Variants in TUBA1C observed in about 807,000 individuals in gnomAD.
The protein encoded by TUBA1C is tubulin alpha 1c.
A neutral mutation model predicts 34.9 loss-of-function variants in TUBA1C; 16 were observed. That is an observed-to-expected ratio of 0.46 (90% CI 0.31 to 0.70). The LOEUF is 0.70. TUBA1C is among the 30% of genes least tolerant of loss of function. TUBA1C has a pLI of 0.05. For missense variants in TUBA1C, 329 were observed against 587.3 expected (o/e 0.56, Z 4.55); for synonymous variants, 177 against 215.9 (o/e 0.82, Z 1.58).
Position 49,272,516 on chromosome 12 carries a change from T to C in TUBA1C, c.639T>C (p.Cys213=), listed in dbSNP as rs763080716. ...MVDNEAIYDI[C]RRNLDIERPT... ...ACAATGAGGCCATCTATGACATCTGTCGTAGAAACCTCGATATCGAGCGCC... is the reference window on the plus strand; with the variant it reads ...ACAATGAGGCCATCTATGACATCTGCCGTAGAAACCTCGATATCGAGCGCC... The change falls in exon 4 of 4, where the codon TGT becomes TGC. Residue 213 remains cysteine (C), a synonymous_variant. Transcript: ENST00000301072. The C allele has an allele frequency of 3.1e-6, 5 of 1,609,372 alleles. No individual in the cohort carries two copies. Among genetic ancestry groups the C allele is most frequent in the Non-Finnish European group, 3.4e-6 (4 of 1,177,890 alleles).
chr12:49,260,790 G>A (rs886108872), upstream of TUBA1C, among the ~76,000 whole-genome samples: 4 of 152,132 alleles, frequency 2.6e-5, no homozygotes, highest in African/African-American at 9.7e-5. Flanking sequence ...GAGTGCAGTT[G>A]CATGATCTTG....
chr12:49,255,776 G>A (rs928085683), intron 1 of TUBA1C, among the ~76,000 whole-genome samples: 8 of 152,190 alleles, frequency 5.3e-5, no homozygotes, highest in African/African-American at 1.9e-4. Flanking sequence ...ATGTTGGCCA[G>A]GCTGGTCTGG....
chr12:49,260,971 C>G (rs976946257), upstream of TUBA1C, among the ~76,000 whole-genome samples: 1 of 152,146 alleles, frequency 6.6e-6, no homozygotes, highest in Non-Finnish European at 1.5e-5. Context: ...TGGACTTAAG[C>G]AATCTGCCCA....
intron 1 of TUBA1C, among the ~76,000 whole-genome samples, chr12:49,247,878 G>C (rs749502257): frequency 1.5e-4 from 22 of 150,608 alleles, no homozygotes; most frequent in Non-Finnish European, 2.8e-4. Context: ...ACCGCAGGAG[G>C]CAGAAGTTGC....
rs529193640 is a variant in TUBA1C, at chr12:49,245,164, G to A, written c.213+16998G>A. 8.1e-4 allele frequency among the ~76,000 whole-genome samples: 124 copies of A among 152,254 alleles called. 1 individual carries two copies. Among genetic ancestry groups the A allele is most frequent in the African/African-American group, 2.9e-3 (122 of 41,556 alleles). On this transcript the variant is annotated intron_variant, in intron 1 of 3. Transcript: ENST00000541364. ...GGGTTTATTCACTTATTCATCACTT[G>A]TTTATTGAGGAGGGTGAAACGTCCA...
chr12:49,247,132 T>A, intron 1 of TUBA1C, among the ~76,000 whole-genome samples: 2 of 139,276 alleles, frequency 1.4e-5, no homozygotes, highest in Non-Finnish European at 1.5e-5. Flanking sequence ...AGAGCAAGAC[T>A]CCATCTCAAA....
At chr12:49,265,546 T>A (rs1216265836) in intron 1 of TUBA1C, among the ~76,000 whole-genome samples, 2 of 152,202 alleles carry the variant, frequency 1.3e-5, no homozygotes, top group Non-Finnish European at 2.9e-5. Flanking sequence ...AAGCGACCTC[T>A]CCTTCCTACT....
At chr12:49,269,046 G>T (rs1199243266) in intron 1 of TUBA1C, among the ~76,000 whole-genome samples, 1 of 152,144 alleles carries the variant, frequency 6.6e-6, no homozygotes, top group Non-Finnish European at 1.5e-5. Context: ...CTGAGCAGGA[G>T]TGGCCTGCTG....
chr12:49,231,731 G>A (rs746015355), intron 1 of TUBA1C, among the ~76,000 whole-genome samples: 8 of 152,064 alleles, frequency 5.3e-5, no homozygotes, highest in Non-Finnish European at 1.2e-4. Flanking sequence ...TAGATAGATA[G>A]ATAGATGGAG....
intron 1 of TUBA1C, among the ~76,000 whole-genome samples, chr12:49,236,272 TC>T (rs1391453173): frequency 1.3e-5 from 2 of 152,192 alleles, no homozygotes; most frequent in African/African-American, 4.8e-5. Context: ...GAGCCTGCAT[TC>T]CCCGGTATTG....
At chr12:49,244,149 CA>C (rs35040535) in intron 1 of TUBA1C, among the ~76,000 whole-genome samples, 44,189 of 97,408 alleles carry the variant, frequency 0.45, 6,882 homozygotes, top group East Asian at 0.68. Flanking sequence ...GACTCTGTCT[CA>C]AAAAAAAAAA....
chr12:49,269,713 G>A (rs1387111246), intron 2 of TUBA1C, 26 bp downstream of exon 2: 1 of 1,613,074 alleles, frequency 6.2e-7, no homozygotes, highest in African/African-American at 1.3e-5. Flanking sequence ...TAACCCAAGT[G>A]AGATCCCAGG....
chr12:49,257,506 G>T (rs1388569970), intron 1 of TUBA1C, among the ~76,000 whole-genome samples: 3 of 152,066 alleles, frequency 2.0e-5, no homozygotes, highest in African/African-American at 7.2e-5. Flanking sequence ...TGCAGGCCAG[G>T]CGAGGTGGCT....
intron 1 of TUBA1C, among the ~76,000 whole-genome samples, chr12:49,239,912 G>A (rs1341361935): frequency 6.6e-6 from 1 of 152,094 alleles, no homozygotes; most frequent in Non-Finnish European, 1.5e-5. Flanking sequence ...CAGGACGGGA[G>A]GTAGAGCAGT....
intron 1 of TUBA1C, among the ~76,000 whole-genome samples, chr12:49,231,991 C>T (rs1285411835): frequency 6.6e-6 from 1 of 152,214 alleles, no homozygotes; most frequent in African/African-American, 2.4e-5. Flanking sequence ...AACGCTAATG[C>T]TGGGCTGATT....
rs1943034329 is a variant in TUBA1C, at chr12:49,274,347, C to G, written c.*1120C>G. 1 of 119,634 alleles carries G rather than the reference C, an allele frequency of 8.4e-6. No individual in the cohort carries two copies. The highest frequency in any genetic ancestry group is 1.6e-5 in the Non-Finnish European group (1 of 63,110). 7.4% of individuals were successfully genotyped at this position (119,634 alleles called of 1,614,324 possible). A position where few individuals can be genotyped will look rare whatever the true frequency, so the allele number is the denominator to read the frequency against. On this transcript the variant is annotated 3_prime_UTR_variant, in exon 4 of 4. Coordinates refer to ENST00000301072, the MANE Select transcript of TUBA1C (RefSeq NM_032704.5). ...ATGGGGTTTTGCCATGTTGCTTAGG[C>G]TGGCCTTGAACTCCTGGGCTCAGGC...
chr12:49,234,031 A>C (rs1942524019), intron 1 of TUBA1C: 1 of 152,278 alleles, frequency 6.6e-6, no homozygotes, highest in Non-Finnish European at 1.5e-5. Flanking sequence ...CCACTGGATG[A>C]CGGTGACGCG....
At chr12:49,254,184 G>C (rs1942759476) in intron 1 of TUBA1C, among the ~76,000 whole-genome samples, 1 of 152,162 alleles carries the variant, frequency 6.6e-6, no homozygotes, top group African/African-American at 2.4e-5. Flanking sequence ...GGTGGCGCAT[G>C]CCTGTAATCC....
At chr12:49,230,823 AACTG>A (rs1221418481) in intron 1 of TUBA1C, among the ~76,000 whole-genome samples, 3 of 152,290 alleles carry the variant, frequency 2.0e-5, no homozygotes, top group South Asian at 2.1e-4. Context: ...AAGCATTGGA[AACTG>A]ACTGAGAGCT....
Sources: allele counts gnomAD v4.1 joint callset (sites outside exome capture counted in the v4.1 genomes callset), GRCh38; gene constraint gnomAD v4.1.1; transcripts MANE v1.5; gene names NCBI Gene and HGNC (gene_info 2026-07-23, HGNC 2026-07-21).